The following AUTS2 variants were observed in gnomAD, a reference collection of about 807,000 sequenced individuals.
The protein encoded by AUTS2 is activator of transcription and developmental regulator AUTS2.
In AUTS2, 17 loss-of-function variants were observed where a neutral mutation model predicts 112.4. That is an observed-to-expected ratio of 0.15 (90% CI 0.10 to 0.23). The LOEUF (loss-of-function observed/expected upper bound fraction) is 0.23. Among genes scored for constraint, AUTS2 ranks in the 10% least tolerant of loss-of-function variants. The pLI is 1.00. For synonymous variants in AUTS2, 751 were observed against 702.7 expected (o/e 1.07, Z -1.09); for missense variants, 1,510 against 1,701.6 (o/e 0.89, Z 1.98).
In AUTS2 at chr7:70,384,158, T is replaced by C. The variant is rs1196422891; in HGVS notation, c.661-51594T>C. Among the ~76,000 whole-genome samples, 6 of 152,236 alleles carry C rather than the reference T, an allele frequency of 3.9e-5. No individual in the cohort carries two copies. The East Asian group carries it at 1.2e-3, about 29-fold the overall frequency. ...GCCATGTGCCTGTGATCTGTGCGCATGTGCTCATGGTTGCCCGTGTTCCAT... is the reference window on the plus strand; with the variant it reads ...GCCATGTGCCTGTGATCTGTGCGCACGTGCTCATGGTTGCCCGTGTTCCAT... On this transcript the variant is annotated intron_variant, in intron 4 of 18. Coordinates refer to ENST00000342771, the MANE Select transcript of AUTS2 (RefSeq NM_015570.4).
At chr7:70,647,049 C>G (rs1020249849) in intron 5 of AUTS2, among the ~76,000 whole-genome samples, 9 of 152,318 alleles carry the variant, frequency 5.9e-5, no homozygotes, top group Middle Eastern at 6.8e-3. Context: ...CTTGGACATT[C>G]TCCCAGCAGA....
At chr7:70,630,020 G>C (rs1805174439) in intron 5 of AUTS2, among the ~76,000 whole-genome samples, 1 of 152,120 alleles carries the variant, frequency 6.6e-6, no homozygotes, top group Non-Finnish European at 1.5e-5. Context: ...ATGAATTTCT[G>C]TTCATCTTTC....
intron 1 of AUTS2, among the ~76,000 whole-genome samples, chr7:69,771,739 G>GT (rs1171414071): frequency 6.6e-6 from 1 of 151,734 alleles, no homozygotes; most frequent in Non-Finnish European, 1.5e-5. Context: ...TCAAGATCAG[G>GT]TTTTTTTATT....
intron 5 of AUTS2, among the ~76,000 whole-genome samples, chr7:70,507,749 A>T (rs778573224): frequency 1.3e-5 from 2 of 152,192 alleles, no homozygotes; most frequent in Non-Finnish European, 2.9e-5. Context: ...CTGAGCCAAG[A>T]TCGCACCATT....
At chr7:70,227,507 T>C (rs1452161597) in intron 4 of AUTS2, among the ~76,000 whole-genome samples, 4 of 152,080 alleles carry the variant, frequency 2.6e-5, no homozygotes, top group African/African-American at 7.2e-5. Flanking sequence ...TCATGAGCAG[T>C]CTCTCTTCTT....
At chr7:70,609,493 C>T (rs1803959016) in intron 5 of AUTS2, among the ~76,000 whole-genome samples, 1 of 149,246 alleles carries the variant, frequency 6.7e-6, no homozygotes, top group South Asian at 2.1e-4. Context: ...CTCCCAGGTT[C>T]GTGCTATTCT....
rs544550746 is a variant in AUTS2, at chr7:70,371,979, C to G, written c.661-63773C>G. Among the ~76,000 whole-genome samples, 14 of 152,154 alleles carry G rather than the reference C, an allele frequency of 9.2e-5. No individual in the cohort carries two copies. The South Asian group carries it at 2.9e-3, about 32-fold the overall frequency. ...TTTAGGGATTGAGGGCCATTTTTGT[C>G]TTCTGTTAAAATTCTAGGTCTAGTC... is the stretch of plus-strand genomic sequence containing the variant. On this transcript the variant is annotated intron_variant, in intron 4 of 18. Transcript: ENST00000342771.
intron 1 of AUTS2, among the ~76,000 whole-genome samples, chr7:69,616,096 C>CT (rs1793358017): frequency 6.6e-6 from 1 of 152,184 alleles, no homozygotes; most frequent in South Asian, 2.1e-4. Context: ...GTATAAGCCT[C>CT]TATCACAGTA....
chr7:70,496,626 G>GTCA (rs1365468179), intron 5 of AUTS2, among the ~76,000 whole-genome samples: 5 of 99,696 alleles, frequency 5.0e-5, no homozygotes, highest in South Asian at 3.6e-4. Flanking sequence ...CACGTACACA[G>GTCA]GCACACACAC....
chr7:70,236,708 G>A (rs1037109649), intron 4 of AUTS2, among the ~76,000 whole-genome samples: 1 of 152,010 alleles, frequency 6.6e-6, no homozygotes, highest in Non-Finnish European at 1.5e-5. Context: ...AACAATTTTT[G>A]GCAAGTGCTA....
intron 4 of AUTS2, among the ~76,000 whole-genome samples, chr7:70,242,926 G>A (rs369528414): frequency 5.3e-5 from 8 of 152,264 alleles, no homozygotes; most frequent in African/African-American, 1.2e-4. Context: ...CTTCTCTAAA[G>A]TAGTAAAGGT....
At chr7:70,611,920 TTAGAG>T (rs1370051480) in intron 5 of AUTS2, among the ~76,000 whole-genome samples, 2 of 152,224 alleles carry the variant, frequency 1.3e-5, no homozygotes, top group Non-Finnish European at 2.9e-5. Flanking sequence ...GTCGTACTCA[TTAGAG>T]TAGTCATAGT....
At chr7:69,860,337 T>G (rs1198086158) in intron 1 of AUTS2, among the ~76,000 whole-genome samples, 1 of 152,114 alleles carries the variant, frequency 6.6e-6, no homozygotes, top group Non-Finnish European at 1.5e-5. Flanking sequence ...TGGATTTCAA[T>G]CAGGGATTTA....
At chr7:70,327,215 G>A (rs1224679401) in intron 4 of AUTS2, among the ~76,000 whole-genome samples, 1 of 152,152 alleles carries the variant, frequency 6.6e-6, no homozygotes, top group Non-Finnish European at 1.5e-5. Flanking sequence ...ACCGCGCCCG[G>A]CCGCTCAGTT....
chr7:70,725,320 G>T (rs1438092906), intron 6 of AUTS2, among the ~76,000 whole-genome samples: 1 of 152,180 alleles, frequency 6.6e-6, no homozygotes, highest in Non-Finnish European at 1.5e-5. Context: ...CATCAACTTG[G>T]AGCATTCATT....
At chr7:69,692,399 G>T (rs1048491992) in intron 1 of AUTS2, among the ~76,000 whole-genome samples, 1 of 152,192 alleles carries the variant, frequency 6.6e-6, no homozygotes, top group Non-Finnish European at 1.5e-5. Context: ...ATGTTTTCCA[G>T]TGTTGCTCTG....
intron 4 of AUTS2, among the ~76,000 whole-genome samples, chr7:70,222,096 C>G (rs1283809164): frequency 6.6e-6 from 1 of 151,912 alleles, no homozygotes; most frequent in Non-Finnish European, 1.5e-5. Flanking sequence ...ATTAAATTAC[C>G]TATGGATTAA....
chr7:70,111,771 TA>T (rs1205613339), intron 2 of AUTS2, among the ~76,000 whole-genome samples: 6 of 152,180 alleles, frequency 3.9e-5, no homozygotes, highest in Non-Finnish European at 1.5e-5. Context: ...TAAATCTTCT[TA>T]AAAACTTTAG....
chr7:69,930,698 A>G (rs1166717870), intron 2 of AUTS2, among the ~76,000 whole-genome samples: 1 of 152,162 alleles, frequency 6.6e-6, no homozygotes, highest in African/African-American at 2.4e-5. Context: ...GCTCAAGACC[A>G]TAATTTGTCC....
Sources: gnomAD v4.1 joint callset for allele counts (sites outside exome capture counted in the v4.1 genomes callset) on GRCh38, gnomAD v4.1.1 for gene constraint, MANE v1.5 for transcripts, NCBI Gene and HGNC (gene_info 2026-07-23, HGNC 2026-07-21) for gene names.